DAB1: variants seen among roughly 807,000 people sequenced by gnomAD.
The protein encoded by DAB1 is DAB adaptor protein 1.
Under a neutral mutation model 64.6 loss-of-function variants are expected in DAB1, and 15 were observed. The ratio of observed to expected loss-of-function variants is 0.23; its 90% CI spans 0.16 to 0.36. DAB1 has a LOEUF of 0.36. Ranked by LOEUF, DAB1 falls within the 10% of genes least tolerant of loss-of-function variation. The pLI, the probability that DAB1 is intolerant of heterozygous loss-of-function variation, is 1.00. For synonymous variants in DAB1, 235 were observed against 251.9 expected (o/e 0.93, Z 0.64); for missense variants, 596 against 706.7 (o/e 0.84, Z 1.78).
chr1:58,298,552 C>G (rs1662044474), intron 4 of DAB1, among the ~76,000 whole-genome samples: 1 of 152,244 alleles, frequency 6.6e-6, no homozygotes. Flanking sequence ...GCCTCTCCAG[C>G]AGCTCTGTCA....
chr1:58,344,405 T>TA (rs1643971580), intron 3 of DAB1, among the ~76,000 whole-genome samples: 1 of 152,174 alleles, frequency 6.6e-6, no homozygotes, highest in Admixed American at 6.5e-5. Flanking sequence ...GCCAGGGACA[T>TA]AATTGGTATA....
intron 4 of DAB1, among the ~76,000 whole-genome samples, chr1:58,271,775 T>G (rs1410471381): frequency 1.1e-3 from 46 of 40,956 alleles, no homozygotes; most frequent in Non-Finnish European, 1.6e-3. Flanking sequence ...GTTGAGGAAT[T>G]TATCCATTTC....
At position 58,163,089 on chromosome 1, in the gene DAB1, C is replaced by T. The variant is rs117627760; in HGVS notation, n.310-12501G>A. Among the ~76,000 whole-genome samples, 631 of 152,240 alleles carry T rather than the reference C, an allele frequency of 4.1e-3. 3 individuals carry two copies. The highest frequency in any genetic ancestry group is 4.7e-3 in the Non-Finnish European group (321 of 68,016). ...AGAAACCTATTCTAAGTTAGCCCTG[C>T]GAAAACCGGGAAGCAAACCAGGAGC... On this transcript the variant is annotated intron_variant and non_coding_transcript_variant, in intron 4 of 20. Transcript: ENST00000485760.
intron 5 of DAB1, among the ~76,000 whole-genome samples, chr1:57,917,141 G>A (rs906244369): frequency 1.3e-5 from 2 of 152,080 alleles, no homozygotes; most frequent in Non-Finnish European, 2.9e-5. Flanking sequence ...TCTCCTAAAT[G>A]TGCCTGCCTT....
chr1:57,189,636 A>G (rs1032109368), intron 2 of DAB1, among the ~76,000 whole-genome samples: 1 of 152,084 alleles, frequency 6.6e-6, no homozygotes, highest in Non-Finnish European at 1.5e-5. Flanking sequence ...TCAAGCCTAG[A>G]GATACAAAGT....
chr1:58,068,658 C>T (rs533923848), intron 5 of DAB1, among the ~76,000 whole-genome samples: 11 of 149,274 alleles, frequency 7.4e-5, no homozygotes, highest in Non-Finnish European at 1.3e-4. Flanking sequence ...CCCAGCTACT[C>T]GGGAGGCTGA....
At chr1:58,023,380 A>G (rs960415334) in intron 5 of DAB1, among the ~76,000 whole-genome samples, 2 of 152,162 alleles carry the variant, frequency 1.3e-5, no homozygotes, top group African/African-American at 4.8e-5. Context: ...ACTCTGTGTT[A>G]AAATCACCTG....
chr1:57,401,125 A>G (rs144142520), intron 1 of DAB1, among the ~76,000 whole-genome samples: 1 of 152,320 alleles, frequency 6.6e-6, no homozygotes, highest in East Asian at 1.9e-4. Context: ...AATTATGTGC[A>G]TGAAATGATT....
intron 4 of DAB1, among the ~76,000 whole-genome samples, chr1:57,114,915 C>T (rs1484748444): frequency 6.6e-6 from 1 of 152,130 alleles, no homozygotes; most frequent in Non-Finnish European, 1.5e-5. Context: ...ACTTTGTAAG[C>T]TGTCCTTTTT....
intron 5 of DAB1, among the ~76,000 whole-genome samples, chr1:57,072,057 C>A (rs1246476380): frequency 3.0e-5 from 4 of 132,896 alleles, no homozygotes; most frequent in South Asian, 4.9e-4. Flanking sequence ...AGGAAATACC[C>A]ATTAGTTAAA....
intron 4 of DAB1, among the ~76,000 whole-genome samples, chr1:58,239,289 A>T (rs1660185087): frequency 1.3e-5 from 2 of 152,166 alleles, no homozygotes; most frequent in African/African-American, 4.8e-5. Context: ...TAGCTGCACA[A>T]CCTAAATTCT....
rs893743939 is a variant in DAB1, at chr1:57,018,880, C to A, written c.896-3449G>T. ...ACTGCACCTTGCCCTCCAGCATTTG[C>A]AAACAAAACCCAACCTGCTGTCTCT... On this transcript the variant is annotated intron_variant, in intron 11 of 14. Coordinates refer to ENST00000371236, the MANE Select transcript of DAB1 (RefSeq NM_001365792.1). 2.8e-4 allele frequency among the ~76,000 whole-genome samples: 42 copies of A among 152,160 alleles called. 2 individuals are homozygous for A. Among genetic ancestry groups the A allele is most frequent in the Non-Finnish European group, 7.4e-5 (5 of 68,022 alleles).
intron 5 of DAB1, among the ~76,000 whole-genome samples, chr1:58,125,984 G>C (rs1653051104): frequency 6.6e-6 from 1 of 152,084 alleles, no homozygotes; most frequent in Non-Finnish European, 1.5e-5. Flanking sequence ...TGTTACCACG[G>C]AGGAGCCAGG....
intron 2 of DAB1, among the ~76,000 whole-genome samples, chr1:57,208,156 T>C (rs559044317): frequency 1.2e-4 from 19 of 152,294 alleles, no homozygotes; most frequent in South Asian, 1.2e-3. Context: ...GCCAGGAAAC[T>C]GAAAAGCAGC....
At chr1:58,436,924 C>T (rs773579595) in intron 3 of DAB1, among the ~76,000 whole-genome samples, 1 of 152,230 alleles carries the variant, frequency 6.6e-6, no homozygotes, top group Non-Finnish European at 1.5e-5. Context: ...CAAGCAGTCA[C>T]CAGTTCCTTT....
intron 4 of DAB1, among the ~76,000 whole-genome samples, chr1:58,155,771 C>G (rs759500623): frequency 6.6e-6 from 1 of 152,158 alleles, no homozygotes; most frequent in Non-Finnish European, 1.5e-5. Context: ...ATGCCTGGCA[C>G]GTTGCAGGTG....
At chr1:58,183,022 T>A (rs1656881017) in intron 4 of DAB1, among the ~76,000 whole-genome samples, 1 of 152,046 alleles carries the variant, frequency 6.6e-6, no homozygotes. Flanking sequence ...CTGTAGAATT[T>A]GTCTCCCCCA....
rs528155472 is a variant in DAB1 at position 58,447,501 on chromosome 1, TG to T, written n.257+58558del. 5.7e-3 allele frequency among the ~76,000 whole-genome samples: 862 copies of T among 152,300 alleles called. 2 individuals are homozygous for T. Among genetic ancestry groups the T allele is most frequent in the Middle Eastern group, 0.027 (8 of 294 alleles). On this transcript the variant is annotated intron_variant and non_coding_transcript_variant, in intron 3 of 20. Coordinates refer to the DAB1 transcript ENST00000485760. ...AAATATTTAAGAACCAATTACATGT[TG>T]GGCACCATTCTAGCTACAAGAGACA...
intron 3 of DAB1, among the ~76,000 whole-genome samples, chr1:58,376,102 A>T (rs1350983849): frequency 1.3e-5 from 2 of 151,390 alleles, no homozygotes; most frequent in Non-Finnish European, 2.9e-5. Flanking sequence ...GCAGTCTATC[A>T]ATTTTGTTGA....
Sources: allele counts gnomAD v4.1 joint callset (sites outside exome capture counted in the v4.1 genomes callset), GRCh38; gene constraint gnomAD v4.1.1; transcripts MANE v1.5; gene names NCBI Gene and HGNC (gene_info 2026-07-23, HGNC 2026-07-21).